AHSA1: variants seen among roughly 807,000 people sequenced by gnomAD.
AHSA1 encodes activator of HSP90 ATPase activity 1.
AHSA1 carries 14 observed loss-of-function variants against 46.1 expected under a neutral mutation model. The observed-to-expected ratio is 0.30, with a 90% CI of 0.20 to 0.47. The LOEUF (loss-of-function observed/expected upper bound fraction) is 0.47. Ranked by LOEUF, AHSA1 falls within the 20% of genes least tolerant of loss-of-function variation. The pLI is 0.99. For missense variants in AHSA1, 333 were observed against 415.9 expected (o/e 0.80, Z 1.73); for synonymous variants, 147 against 145.8 (o/e 1.01, Z -0.06).
chr14:77,465,556 A>C lies in AHSA1; in HGVS notation c.579A>C (p.Ser193=). The change falls in exon 6 of 9, where the codon TCA becomes TCC. Residue 193 remains serine, a synonymous_variant. Coordinates refer to ENST00000216479, the MANE Select transcript of AHSA1 (RefSeq NM_012111.3). ...TEERKAKPAP[S]KTQARPVGVK... is the part of the protein sequence containing the mutation. ...CTTCACAGGCTAAGCCTGCTCCTTCAAAAACCCAGGCCAGACCTGTTGGAG... is the reference window on the plus strand; with the variant it reads ...CTTCACAGGCTAAGCCTGCTCCTTCCAAAACCCAGGCCAGACCTGTTGGAG... 1 of 1,613,880 alleles carries C rather than the reference A, an allele frequency of 6.2e-7. No individual in the cohort carries two copies. The highest frequency in any genetic ancestry group is 8.5e-7 in the Non-Finnish European group (1 of 1,179,774).
In AHSA1 at chr14:77,462,639, C is replaced by G; in HGVS notation, c.355-3C>G. The G allele has an allele frequency of 6.2e-7, 1 of 1,613,808 alleles. No homozygotes were observed. The highest frequency in any genetic ancestry group is 8.5e-7 in the Non-Finnish European group (1 of 1,179,712). ...TACCACCTACTTCTCATCTTTCACC[C>G]AGATTAGTGTGAGCCTTGCCAAAGA... On this transcript the variant is annotated splice_polypyrimidine_tract_variant and splice_region_variant and intron_variant, in intron 3 of 8. Coordinates refer to ENST00000216479, the MANE Select transcript of AHSA1 (RefSeq NM_012111.3).
chr14:77,461,496 A>T (rs376293706), intron 2 of AHSA1, among the ~76,000 whole-genome samples: 1 of 152,148 alleles, frequency 6.6e-6, no homozygotes, highest in Non-Finnish European at 1.5e-5. Context: ...TGCCACTGCA[A>T]TCCAGCCTGA....
chr14:77,463,745 T>G (rs962063949), intron 4 of AHSA1, among the ~76,000 whole-genome samples: 1 of 152,226 alleles, frequency 6.6e-6, no homozygotes, highest in Non-Finnish European at 1.5e-5. Context: ...ATGCTTAGAA[T>G]AGAAGTCAGC....
At chr14:77,464,766 CTG>C in intron 5 of AHSA1, 80 bp downstream of exon 5, 1 of 1,286,862 alleles carries the variant, frequency 7.8e-7, no homozygotes, top group Non-Finnish European at 1.1e-6. Context: ...TATCAGCTCT[CTG>C]TGTCCCTAAC....
chr14:77,468,182 C>G lies in AHSA1; in HGVS notation c.790C>G (p.Leu264Val), dbSNP rs867563696. The G allele has an allele frequency of 6.5e-7, 1 of 1,547,912 alleles. No individual in the cohort carries two copies. The highest frequency in any genetic ancestry group is 8.7e-7 in the Non-Finnish European group (1 of 1,143,552). The stretch of plus-strand genomic sequence containing the variant: ...CAACGTCTCTGGGGAATTTACTGAT[C>G]TGGTGAGTACCTGCCGGCCCTAGAC... ...DGNVSGEFTD[L>V]VPEKHIVMKW... The change falls in exon 7 of 9, where the codon CTG (leucine) becomes GTG (valine). Residue 264 changes from leucine to valine, a missense_variant and splice_region_variant. Transcript: ENST00000216479.
rs1236835943 is a variant in AHSA1 at position 77,468,565 on chromosome 14, T to A, written c.844+57T>A. On this transcript the variant is annotated intron_variant, in intron 8 of 8. Coordinates refer to ENST00000216479, the MANE Select transcript of AHSA1 (RefSeq NM_012111.3). ...AGAACTTTTTCTCTTTGCTGTAATT[T>A]TTTTTTTTTTTTTTTTGGAAACAGG... The A allele has an allele frequency of 3.1e-6, 4 of 1,304,552 alleles. No individual in the cohort carries two copies. In the Admixed American group the frequency reaches 6.1e-5, roughly 20 times the overall value. The allele number at this position is 1,304,552 out of a possible 1,614,324, so 80.8% of individuals were successfully genotyped here. A position where few individuals can be genotyped will look rare whatever the true frequency, so the allele number is the denominator to read the frequency against.
intron 4 of AHSA1, 39 bp from the exon 5 acceptor site, chr14:77,464,558 TA>T: frequency 6.4e-7 from 1 of 1,559,378 alleles, no homozygotes; most frequent in Non-Finnish European, 8.8e-7. Flanking sequence ...TCTCAGCTAC[TA>T]AGAAGTAACT....
At chr14:77,459,839 CTG>C (rs2079013981) in intron 2 of AHSA1, 33 bp downstream of exon 2, 1 of 1,610,720 alleles carries the variant, frequency 6.2e-7, no homozygotes, top group Non-Finnish European at 8.5e-7. Context: ...GAGAGATTAA[CTG>C]TGTTTTGTTT....
In AHSA1 at chr14:77,469,268, C is replaced by G. The variant is rs773248402; in HGVS notation, c.*19C>G. On this transcript the variant is annotated 3_prime_UTR_variant, in exon 9 of 9. Transcript: ENST00000216479. ...ATTTTAGGGCCAGCGGCAGGGGACT[C>G]CAGCCTGCTGGACACTTCAGTCCAG... The G allele has an allele frequency of 6.2e-7, 1 of 1,612,236 alleles. No homozygotes were observed. Among genetic ancestry groups the G allele is most frequent in the Non-Finnish European group, 8.5e-7 (1 of 1,178,798 alleles).
In AHSA1 at chr14:77,458,116, C is replaced by A; in HGVS notation, c.-74C>A. 1 of 1,330,448 alleles carries A rather than the reference C, an allele frequency of 7.5e-7. No individual in the cohort carries two copies. Among genetic ancestry groups the A allele is most frequent in the South Asian group, 1.6e-5 (1 of 64,192 alleles). The allele number at this position is 1,330,448 out of a possible 1,614,324, so 82.4% of individuals were successfully genotyped here. A position where few individuals can be genotyped will look rare whatever the true frequency, so the allele number is the denominator to read the frequency against. ...CTAGTAGTTTCCAGGCGCTGCCGGG[C>A]GGCTGGCACTAAGCGGTCCTGAGGC... On this transcript the variant is annotated 5_prime_UTR_variant, in exon 1 of 9. Coordinates refer to ENST00000216479, the MANE Select transcript of AHSA1 (RefSeq NM_012111.3).
intron 4 of AHSA1, 106 bp downstream of exon 4, chr14:77,462,865 G>T (rs188908608): frequency 2.5e-4 from 234 of 919,986 alleles, no homozygotes; most frequent in Admixed American, 1.5e-3. Context: ...TAAAGATTTG[G>T]GGGGAGGGGG....
At chr14:77,465,440 C>T (rs1042421320) in intron 5 of AHSA1, 99 bp from the exon 6 acceptor site, 1 of 1,386,810 alleles carries the variant, frequency 7.2e-7, no homozygotes, top group Non-Finnish European at 9.8e-7. Flanking sequence ...TGGAGGTGAA[C>T]ATTTTTATGA....
At chr14:77,461,435 CAGA>C (rs1320584419) in intron 2 of AHSA1, among the ~76,000 whole-genome samples, 1 of 152,142 alleles carries the variant, frequency 6.6e-6, no homozygotes, top group African/African-American at 2.4e-5. Context: ...GAGGCTGAAG[CAGA>C]AGAATTGCTT....
At chr14:77,468,732 TTTTTTTTTTTTTTACTTTTTTAC>T in intron 8 of AHSA1, 4 of 496,564 alleles carry the variant, frequency 8.1e-6, no homozygotes, top group Non-Finnish European at 1.4e-5. Context: ...TTTTTTTTTT[TTTTTTTTTTTTTTACTTTTTTAC>T]TTTTTTTGTA....
At chr14:77,462,806 TG>T (rs751254575) in intron 4 of AHSA1, 47 bp downstream of exon 4, 1 of 1,514,716 alleles carries the variant, frequency 6.6e-7, no homozygotes, top group East Asian at 2.3e-5. Flanking sequence ...AGTTTCCACC[TG>T]TTAGACTCTG....
rs11539463 is a variant in AHSA1, at chr14:77,458,160, G to A, written c.-30G>A. On this transcript the variant is annotated 5_prime_UTR_variant, in exon 1 of 9. Coordinates refer to ENST00000216479, the MANE Select transcript of AHSA1 (RefSeq NM_012111.3). The stretch of plus-strand genomic sequence containing the variant: ...CTGAGGCTGTGGCTACGGCTGCTCC[G>A]GAGCTGGTGGCGCCGCGATAGGAGA... 2.0e-6 allele frequency: 3 copies of A among 1,511,400 alleles called. No individual in the cohort carries two copies. The South Asian group carries it at 3.7e-5, about 19-fold the overall frequency. 93.6% of individuals were successfully genotyped at this position (1,511,400 alleles called of 1,614,324 possible).
chr14:77,460,696 G>C (rs2079018420), intron 2 of AHSA1, among the ~76,000 whole-genome samples: 1 of 151,256 alleles, frequency 6.6e-6, no homozygotes, highest in Non-Finnish European at 1.5e-5. Context: ...CTCCCAAGTA[G>C]GATTACAGGT....
intron 4 of AHSA1, among the ~76,000 whole-genome samples, chr14:77,464,181 A>G (rs2079038079): frequency 6.6e-6 from 1 of 152,190 alleles, no homozygotes; most frequent in African/African-American, 2.4e-5. Context: ...GATCAAGACC[A>G]TCCTGGCCAA....
At chr14:77,460,604 C>A (rs1245243057) in intron 2 of AHSA1, among the ~76,000 whole-genome samples, 1 of 149,708 alleles carries the variant, frequency 6.7e-6, no homozygotes, top group Non-Finnish European at 1.5e-5. Context: ...TTTTGCTCGT[C>A]ACCCAGGCTG....
Sources: gnomAD v4.1 joint callset for allele counts (sites outside exome capture counted in the v4.1 genomes callset) on GRCh38, gnomAD v4.1.1 for gene constraint, MANE v1.5 for transcripts, NCBI Gene and HGNC (gene_info 2026-07-23, HGNC 2026-07-21) for gene names.